SMARCA2: variants seen among roughly 807,000 people sequenced by gnomAD.
SMARCA2 encodes the protein SWI/SNF related BAF chromatin remodeling complex subunit ATPase 2.
In SMARCA2, 61 loss-of-function variants were observed where a neutral mutation model predicts 199.8. The observed-to-expected ratio is 0.31, with a 90% CI of 0.25 to 0.38. The LOEUF is 0.38. Ranked by LOEUF, SMARCA2 falls within the 10% of genes least tolerant of loss-of-function variation. The probability of loss-of-function intolerance (pLI) is 1.00; values close to 1 mark genes in which losing one functional copy is unlikely to be tolerated. For missense variants in SMARCA2, 1,344 were observed against 2,012.2 expected (o/e 0.67, Z 6.35); for synonymous variants, 935 against 732.0 (o/e 1.28, Z -4.48).
intron 28 of SMARCA2, among the ~76,000 whole-genome samples, chr9:2,166,208 A>T (rs1176167275): frequency 6.6e-6 from 1 of 152,142 alleles, no homozygotes; most frequent in Non-Finnish European, 1.5e-5. Flanking sequence ...TGATGCCTAG[A>T]CATTGGCCAC....
At chr9:2,190,643 A>G (rs933666057) in intron 32 of SMARCA2, among the ~76,000 whole-genome samples, 1 of 152,092 alleles carries the variant, frequency 6.6e-6, no homozygotes, top group Non-Finnish European at 1.5e-5. Context: ...ACACACACAC[A>G]TACACACAGA....
At chr9:2,176,190 T>TTTTTTTG (rs1826587945) in intron 29 of SMARCA2, among the ~76,000 whole-genome samples, 2 of 135,998 alleles carry the variant, frequency 1.5e-5, no homozygotes, top group African/African-American at 6.8e-5. Flanking sequence ...CTGTTTTTTT[T>TTTTTTTG]TTTTTTTTTT....
In SMARCA2 at chr9:2,193,110, G is replaced by T; in HGVS notation, c.*371G>T. ...GAAGATTTTTGTCTTTTGTAGCACT[G>T]ATAACCAGGAGAAGCCATTAAAAGC... On this transcript the variant is annotated 3_prime_UTR_variant, in exon 34 of 34. Transcript: ENST00000349721. 5.5e-6 allele frequency: 1 copy of T among 182,560 alleles called. No homozygotes were observed. Among genetic ancestry groups the T allele is most frequent in the Admixed American group, 6.1e-5 (1 of 16,320 alleles). 11.3% of individuals were successfully genotyped at this position (182,560 alleles called of 1,614,324 possible).
At chr9:2,144,381 T>C (rs1824618039) in intron 27 of SMARCA2, among the ~76,000 whole-genome samples, 1 of 152,042 alleles carries the variant, frequency 6.6e-6, no homozygotes, top group African/African-American at 2.4e-5. Flanking sequence ...CTTCGCTGGA[T>C]GGGGGTGGGA....
chr9:2,082,034 T>A (rs2130464929), intron 15 of SMARCA2, 39 bp downstream of exon 15: 2 of 1,543,188 alleles, frequency 1.3e-6, no homozygotes, highest in Non-Finnish European at 1.8e-6. Flanking sequence ...TCGTTCTGTA[T>A]GTTGTAGAGT....
At chr9:2,071,561 G>C (rs764842371) in intron 10 of SMARCA2, among the ~76,000 whole-genome samples, 1 of 152,170 alleles carries the variant, frequency 6.6e-6, no homozygotes, top group Non-Finnish European at 1.5e-5. Context: ...ATTAGCTACT[G>C]ATCTTGGACT....
At chr9:2,156,414 CTTTTTTT>C (rs57161267) in intron 27 of SMARCA2, among the ~76,000 whole-genome samples, 2 of 69,148 alleles carry the variant, frequency 2.9e-5, no homozygotes, top group African/African-American at 7.0e-5. Flanking sequence ...CCATTTTAGA[CTTTTTTT>C]TTTTTTTTTT....
chr9:2,124,040 G>T (rs1003098451), intron 27 of SMARCA2, 103 bp downstream of exon 27: 6 of 848,102 alleles, frequency 7.1e-6, no homozygotes, highest in Non-Finnish European at 1.2e-5. Context: ...GGTTGAGTTC[G>T]CAATCAAAGG....
At chr9:2,040,495 C>G (rs980651078) in intron 4 of SMARCA2, 4 of 153,508 alleles carry the variant, frequency 2.6e-5, no homozygotes, top group African/African-American at 9.6e-5. Flanking sequence ...ACTTGAGTTT[C>G]TTGACAATCA....
At position 2,130,732 on chromosome 9, in the gene SMARCA2, T is replaced by C. The variant is rs538639104; in HGVS notation, c.3981+6795T>C. Reference sequence around the variant, plus strand: ...ATACATATATATATACACACACATATATATATGTATAATTGCGCATGCACA... The same window carrying C: ...ATACATATATATATACACACACATACATATATGTATAATTGCGCATGCACA... On this transcript the variant is annotated intron_variant, in intron 27 of 33. Coordinates refer to ENST00000349721, the MANE Select transcript of SMARCA2 (RefSeq NM_003070.5). 2.0e-5 allele frequency among the ~76,000 whole-genome samples: 3 copies of C among 152,334 alleles called. No homozygotes were observed. In the East Asian group the frequency reaches 5.8e-4, roughly 29 times the overall value.
Position 2,186,206 on chromosome 9 carries a change from TGAAGAA to T in SMARCA2, c.4575_4580del (p.Glu1526_Glu1527del). 1 of 1,614,008 alleles carries T rather than the reference TGAAGAA, an allele frequency of 6.2e-7. No homozygotes were observed. The highest frequency in any genetic ancestry group is 1.1e-5 in the South Asian group (1 of 91,082). ...GCAATGAAGAGGAGGAAGAGGAAGA[TGAAGAA>T]GAGTCAGAGTCCGAGGGTAAGCCCA... is the stretch of plus-strand genomic sequence containing the variant. On this transcript the variant is annotated inframe_deletion, in exon 32 of 34. Transcript: ENST00000349721.
chr9:2,058,080 A>G (rs1284212936), intron 7 of SMARCA2: 1 of 481,858 alleles, frequency 2.1e-6, no homozygotes, highest in East Asian at 3.4e-5. Flanking sequence ...AAAGCTTACA[A>G]CAAAAGGAAC....
intron 14 of SMARCA2, among the ~76,000 whole-genome samples, chr9:2,080,381 A>G (rs1821512062): frequency 6.6e-6 from 1 of 152,088 alleles, no homozygotes; most frequent in Non-Finnish European, 1.5e-5. Flanking sequence ...GCTAGTTTCT[A>G]CTTCTGTTTT....
At chr9:2,103,334 C>T (rs529200332) in intron 22 of SMARCA2, among the ~76,000 whole-genome samples, 1 of 152,162 alleles carries the variant, frequency 6.6e-6, no homozygotes, top group Non-Finnish European at 1.5e-5. Flanking sequence ...TTTGTAAAAA[C>T]AGACAGCAGA....
chr9:2,053,701 A>G (rs1343913851), intron 5 of SMARCA2, among the ~76,000 whole-genome samples: 1 of 152,224 alleles, frequency 6.6e-6, no homozygotes, highest in Non-Finnish European at 1.5e-5. Flanking sequence ...CCTCAGATTT[A>G]GGGGATGTAG....
At chr9:2,076,132 G>A in intron 12 of SMARCA2, 97 bp from the exon 13 acceptor site, 1 of 701,066 alleles carries the variant, frequency 1.4e-6, no homozygotes, top group Non-Finnish European at 2.5e-6. Context: ...CTTCATTTGT[G>A]AAGTTCAATA....
chr9:2,157,846 A>G, intron 27 of SMARCA2: 1 of 398,428 alleles, frequency 2.5e-6, no homozygotes, highest in Non-Finnish European at 4.4e-6. Context: ...AAGGCGCCTG[A>G]GGCTGACTTT....
At chr9:2,021,682 A>G (rs1482865830) in intron 1 of SMARCA2, among the ~76,000 whole-genome samples, 2 of 152,258 alleles carry the variant, frequency 1.3e-5, no homozygotes, top group African/African-American at 4.8e-5. Context: ...CATTAAGCAG[A>G]GTCCAAAATT....
chr9:2,062,015 T>A (rs10964595), intron 9 of SMARCA2, among the ~76,000 whole-genome samples: 12,854 of 152,172 alleles, frequency 0.084, 585 homozygotes, highest in African/African-American at 0.1. Context: ...TTCTTGTCAG[T>A]GTAGCATTAT....
Sources: gnomAD v4.1 joint callset for allele counts (sites outside exome capture counted in the v4.1 genomes callset) on GRCh38, gnomAD v4.1.1 for gene constraint, MANE v1.5 for transcripts, NCBI Gene and HGNC (gene_info 2026-07-23, HGNC 2026-07-21) for gene names.